The following RBFOX1 variants were observed in gnomAD, a reference collection of about 807,000 sequenced individuals.
RBFOX1 encodes the protein RNA binding fox-1 homolog 1, also known as RNA binding protein fox-1 homolog 1.
RBFOX1 carries 8 observed loss-of-function variants against 57.7 expected under a neutral mutation model. That is an observed-to-expected ratio of 0.14 (90% confidence interval 0.08 to 0.25). The LOEUF (loss-of-function observed/expected upper bound fraction) is 0.25. Ranked by LOEUF, RBFOX1 falls within the 10% of genes least tolerant of loss-of-function variation. RBFOX1 has a pLI of 1.00. For synonymous variants in RBFOX1, 326 were observed against 222.4 expected (o/e 1.47, Z -4.15); for missense variants, 611 against 548.5 (o/e 1.11, Z -1.14).
chr16:6,101,022 G>T (rs916622993), intron 1 of RBFOX1, among the ~76,000 whole-genome samples: 1 of 152,198 alleles, frequency 6.6e-6, no homozygotes, highest in Admixed American at 6.5e-5. Context: ...GAGTTTTAGG[G>T]TCAGATGTCA....
chr16:7,225,134 A>C (rs1229922825), intron 4 of RBFOX1, among the ~76,000 whole-genome samples: 1 of 152,172 alleles, frequency 6.6e-6, no homozygotes, highest in Non-Finnish European at 1.5e-5. Flanking sequence ...CATCACGGTC[A>C]TTGTCATTAT....
At chr16:7,316,218 C>A (rs1286421652) in intron 4 of RBFOX1, among the ~76,000 whole-genome samples, 1 of 152,148 alleles carries the variant, frequency 6.6e-6, no homozygotes, top group African/African-American at 2.4e-5. Context: ...GTCTTTAATT[C>A]AAGGCAGCAG....
At chr16:5,760,360 T>C (rs1156600710) in intron 3 of RBFOX1, among the ~76,000 whole-genome samples, 1 of 150,746 alleles carries the variant, frequency 6.6e-6, no homozygotes, top group Admixed American at 6.6e-5. Context: ...CTCAGCAATT[T>C]CACACACACA....
At chr16:5,976,602 C>T (rs1398372209) in intron 4 of RBFOX1, among the ~76,000 whole-genome samples, 4 of 152,288 alleles carry the variant, frequency 2.6e-5, no homozygotes, top group East Asian at 1.9e-4. Flanking sequence ...GGCACAGTGG[C>T]TCATACCTGC....
chr16:6,680,422 C>T (rs546171795), intron 3 of RBFOX1, among the ~76,000 whole-genome samples: 1 of 152,120 alleles, frequency 6.6e-6, no homozygotes, highest in Admixed American at 6.6e-5. Flanking sequence ...GCCACCACAC[C>T]TGGCTAATTT....
chr16:7,132,296 C>G (rs1387679206), intron 4 of RBFOX1, among the ~76,000 whole-genome samples: 1 of 152,020 alleles, frequency 6.6e-6, no homozygotes, highest in East Asian at 1.9e-4. Flanking sequence ...CCAAGTTCAT[C>G]ATTGCAATGT....
intron 2 of RBFOX1, among the ~76,000 whole-genome samples, chr16:6,640,064 C>A (rs2098474768): frequency 6.6e-6 from 1 of 152,078 alleles, no homozygotes; most frequent in African/African-American, 2.4e-5. Flanking sequence ...AGATAAGTTG[C>A]TGCGAAAAGC....
At chr16:6,946,683 A>G (rs532375050) in intron 3 of RBFOX1, among the ~76,000 whole-genome samples, 7 of 152,104 alleles carry the variant, frequency 4.6e-5, no homozygotes, top group South Asian at 2.1e-4. Context: ...GTTCACTGCA[A>G]TCTCAAACTC....
At position 6,928,464 on chromosome 16, in the gene RBFOX1, A is replaced by C. The variant is rs2075997197; in HGVS notation, c.-15-123593A>C. On this transcript the variant is annotated intron_variant, in intron 3 of 15. Transcript: ENST00000550418. ...CAAGAGCTCAGGACATGCTTGAGGAAAGAACGTTCAACTCAGAAATAAGAC... is the reference window on the plus strand; with the variant it reads ...CAAGAGCTCAGGACATGCTTGAGGACAGAACGTTCAACTCAGAAATAAGAC... Among the ~76,000 whole-genome samples the C allele has an allele frequency of 2.0e-5, 3 of 152,170 alleles. No homozygotes were observed. In the South Asian group the frequency reaches 6.2e-4, roughly 32 times the overall value.
intron 4 of RBFOX1, among the ~76,000 whole-genome samples, chr16:7,056,058 C>T (rs934115645): frequency 6.6e-5 from 10 of 152,130 alleles, no homozygotes; most frequent in Non-Finnish European, 1.0e-4. Context: ...ATTTGGACTG[C>T]ACTGGATATA....
chr16:5,636,562 C>G (rs1439857232), intron 3 of RBFOX1, among the ~76,000 whole-genome samples: 1 of 151,990 alleles, frequency 6.6e-6, no homozygotes, highest in African/African-American at 2.4e-5. Flanking sequence ...TCATGTTTTT[C>G]TGACTGGGAT....
At chr16:6,826,221 C>T (rs971341425) in intron 3 of RBFOX1, among the ~76,000 whole-genome samples, 3 of 152,096 alleles carry the variant, frequency 2.0e-5, no homozygotes, top group Non-Finnish European at 4.4e-5. Context: ...CATGTAAGAG[C>T]TTAGAACAGA....
At chr16:5,341,094 A>G (rs10852655) in intron 1 of RBFOX1, among the ~76,000 whole-genome samples, 130,085 of 152,180 alleles carry the variant, frequency 0.85, 58,432 homozygotes, top group East Asian at 1. Flanking sequence ...AGGCAGGAAC[A>G]AGCTTGGTGA....
chr16:7,709,031 A>G (rs757902945), intron 14 of RBFOX1, 25 bp from the exon 15 acceptor site: 26 of 1,590,454 alleles, frequency 1.6e-5, no homozygotes, highest in African/African-American at 1.2e-4. Context: ...CTGTGGATCA[A>G]TCTTCACCTC....
chr16:7,649,559 C>T (rs78593816), intron 11 of RBFOX1, among the ~76,000 whole-genome samples: 3,413 of 152,114 alleles, frequency 0.022, 63 homozygotes, highest in South Asian at 0.04. Context: ...TGCTTGCATG[C>T]TGTTTATCTG....
intron 4 of RBFOX1, among the ~76,000 whole-genome samples, chr16:7,263,205 G>T (rs893614752): frequency 6.6e-6 from 1 of 152,176 alleles, no homozygotes; most frequent in Non-Finnish European, 1.5e-5. Flanking sequence ...GCAGAGCCGT[G>T]AGTTACTTTG....
In RBFOX1 at chr16:5,923,201, G is replaced by A. The variant is rs192365827; in HGVS notation, c.351+55866G>A. On this transcript the variant is annotated intron_variant, in intron 4 of 19. Coordinates refer to the RBFOX1 transcript ENST00000641259. ...GTAGTGGTAATAGGGTAGTTTAGGC[G>A]AGACTTCCAGGGAAGAGATTTACAA... Among the ~76,000 whole-genome samples the A allele has an allele frequency of 6.6e-3, 1,002 of 152,292 alleles. 12 individuals are homozygous for A. The highest frequency in any genetic ancestry group is 0.023 in the African/African-American group (959 of 41,562).
intron 1 of RBFOX1, among the ~76,000 whole-genome samples, chr16:5,301,734 A>C (rs1231914574): frequency 1.3e-5 from 2 of 152,066 alleles, no homozygotes; most frequent in African/African-American, 2.4e-5. Flanking sequence ...GCTTGATTGC[A>C]GTCTTATAAA....
At chr16:5,634,124 A>G (rs2048607860) in intron 3 of RBFOX1, among the ~76,000 whole-genome samples, 1 of 152,136 alleles carries the variant, frequency 6.6e-6, no homozygotes, top group Admixed American at 6.5e-5. Context: ...TTTTATAGCC[A>G]CTGGCCTCAC....
Sources: gnomAD v4.1 joint callset for allele counts (sites outside exome capture counted in the v4.1 genomes callset) on GRCh38, gnomAD v4.1.1 for gene constraint, MANE v1.5 for transcripts, NCBI Gene and HGNC (gene_info 2026-07-23, HGNC 2026-07-21) for gene names.